The following ANKRD52 variants were observed in gnomAD, a reference collection of about 807,000 sequenced individuals.
ANKRD52 encodes serine/threonine-protein phosphatase 6 regulatory ankyrin repeat subunit C.
A neutral mutation model predicts 116.0 loss-of-function variants in ANKRD52; 7 were observed. The observed-to-expected ratio is 0.06, with a 90% CI of 0.03 to 0.11. The LOEUF (loss-of-function observed/expected upper bound fraction) is 0.11. Ranked by LOEUF, ANKRD52 falls within the 10% of genes least tolerant of loss-of-function variation. ANKRD52 has a pLI of 1.00. For missense variants in ANKRD52, 839 were observed against 1,408.6 expected (o/e 0.60, Z 6.47); for synonymous variants, 528 against 578.1 (o/e 0.91, Z 1.24).
chr12:56,249,186 G>A (rs1871566871), intron 15 of ANKRD52, among the ~76,000 whole-genome samples: 1 of 152,062 alleles, frequency 6.6e-6, no homozygotes, highest in South Asian at 2.1e-4. Flanking sequence ...CCACCTCCAG[G>A]CACGCCAACC....
chr12:56,246,451 C>T (rs529838186), intron 20 of ANKRD52, among the ~76,000 whole-genome samples: 1 of 152,238 alleles, frequency 6.6e-6, no homozygotes, highest in South Asian at 2.1e-4. Context: ...ACTGGAAAGA[C>T]TAAATGGAGA....
At chr12:56,256,751 G>A (rs984198901) in intron 4 of ANKRD52, among the ~76,000 whole-genome samples, 3 of 152,256 alleles carry the variant, frequency 2.0e-5, no homozygotes, top group Non-Finnish European at 4.4e-5. Context: ...CCCCCAGGGA[G>A]GGATGAGTCA....
rs374637005 is a variant in ANKRD52 at position 56,245,074 on chromosome 12, G to A, written c.2492+29C>T. 12 of 1,613,126 alleles carry A rather than the reference G, an allele frequency of 7.4e-6. No homozygotes were observed. The South Asian group carries it at 8.8e-5, about 12-fold the overall frequency. ...AAGCTCAAGTCATGGGCCCTCGCGA[G>A]AAGGGCTGATGCAGCAGAAGGGACT... On this transcript the variant is annotated intron_variant, in intron 22 of 27. Coordinates refer to ENST00000267116, the MANE Select transcript of ANKRD52 (RefSeq NM_173595.4).
Position 56,255,725 on chromosome 12 carries a change from G to A in ANKRD52, c.462+59C>T, listed in dbSNP as rs574585364. 2.7e-6 allele frequency: 4 copies of A among 1,485,098 alleles called. No homozygotes were observed. The East Asian group carries it at 1.0e-4, about 37-fold the overall frequency. 92.0% of individuals were successfully genotyped at this position (1,485,098 alleles called of 1,614,324 possible). A position where few individuals can be genotyped will look rare whatever the true frequency, so the allele number is the denominator to read the frequency against. On this transcript the variant is annotated intron_variant, in intron 5 of 27. Coordinates refer to ENST00000267116, the MANE Select transcript of ANKRD52 (RefSeq NM_173595.4). The surrounding 1 kb of genome is among the most constrained non-coding windows in gnomAD (Gnocchi z 4.3). ...TGAGGGCCCAGAAGCAGGGAAACGT[G>A]AGTAGGAAGGTAAGAAAAGGGAAAG... is the stretch of plus-strand genomic sequence containing the variant.
In ANKRD52 at chr12:56,252,291, A is replaced by G; in HGVS notation, c.1395T>C (p.Ala465=). ...FGRTPLHYAA[A]NGSYQCAVTL... is the part of the protein sequence containing the mutation. ...TTACTGCACACTGGTAGCTACCGTT[A>G]GCAGCTGCATAGTGCAGTGGGGTCC... The change falls in exon 14 of 28, where the codon GCT becomes GCC. Residue 465 remains alanine, a synonymous_variant. Transcript: ENST00000267116. The surrounding 1 kb of genome is among the most constrained non-coding windows in gnomAD (Gnocchi z 4.7). 3 of 1,614,008 alleles carry G rather than the reference A, an allele frequency of 1.9e-6. No individual in the cohort carries two copies. Among genetic ancestry groups the G allele is most frequent in the Non-Finnish European group, 2.5e-6 (3 of 1,179,878 alleles).
rs201426928 is a variant in ANKRD52, at chr12:56,255,193, C to CT, written c.463-242dup. 7,616 of 253,570 alleles carry CT rather than the reference C, an allele frequency of 0.03. 10 individuals are homozygous for CT. Among genetic ancestry groups the CT allele is most frequent in the East Asian group, 0.048 (699 of 14,570 alleles). 15.7% of individuals were successfully genotyped at this position (253,570 alleles called of 1,614,324 possible). On this transcript the variant is annotated intron_variant, in intron 5 of 27. Transcript: ENST00000267116. The surrounding 1 kb of genome is among the most constrained non-coding windows in gnomAD (Gnocchi z 4.3). Reference sequence around the variant, plus strand: ...CAGGTGATCTGGTGGTTCTTAAACTCTTTTTTTTTTTTTTTTTGAGACAGT... The same window carrying CT: ...CAGGTGATCTGGTGGTTCTTAAACTCTTTTTTTTTTTTTTTTTTGAGACAGT...
rs1188473689 is a variant in ANKRD52 at position 56,248,474 on chromosome 12, G to T, written c.1776+21C>A. The T allele has an allele frequency of 6.3e-6, 10 of 1,582,264 alleles. No individual in the cohort carries two copies. The highest frequency in any genetic ancestry group is 8.6e-6 in the Non-Finnish European group (10 of 1,164,102). On this transcript the variant is annotated intron_variant, in intron 17 of 27. Transcript: ENST00000267116. This position sits in a 1 kb window ranked among gnomAD's most constrained non-coding sequence, Gnocchi z 5.1. ...AACAGGTAGGACAAGGAAGGCAACA[G>T]AAAAAAGACGTGGGACTCACAGCTA... is the stretch of plus-strand genomic sequence containing the variant.
intron 15 of ANKRD52, among the ~76,000 whole-genome samples, chr12:56,249,269 C>T (rs1871571095): frequency 6.6e-6 from 1 of 152,212 alleles, no homozygotes; most frequent in Admixed American, 6.5e-5. Context: ...GTCCCAGCTT[C>T]TCTCCTCTGT....
chr12:56,243,407 G>T lies in ANKRD52; in HGVS notation c.2981-15C>A. On this transcript the variant is annotated splice_polypyrimidine_tract_variant and intron_variant, in intron 27 of 27. Coordinates refer to ENST00000267116, the MANE Select transcript of ANKRD52 (RefSeq NM_173595.4). The surrounding 1 kb of genome is among the most constrained non-coding windows in gnomAD (Gnocchi z 4.6). ...TGGGGTGTGACCTGCAGGGCCAAGGGGGAGAACTGAGGCATAGAGTCCTGT... is the reference window on the plus strand; with the variant it reads ...TGGGGTGTGACCTGCAGGGCCAAGGTGGAGAACTGAGGCATAGAGTCCTGT... The T allele has an allele frequency of 6.2e-7, 1 of 1,612,586 alleles. No homozygotes were observed. Among genetic ancestry groups the T allele is most frequent in the Non-Finnish European group, 8.5e-7 (1 of 1,179,274 alleles).
rs1395153870 is a variant in ANKRD52 at position 56,247,498 on chromosome 12, G to A, written c.2179C>T (p.Arg727Cys). The A allele has an allele frequency of 6.3e-6, 10 of 1,576,776 alleles. No homozygotes were observed. Among genetic ancestry groups the A allele is most frequent in the Non-Finnish European group, 8.6e-6 (10 of 1,160,480 alleles). Reference sequence around the variant, plus strand: ...CCCCCTAGAAGCTCACTCACCCCGCGGTGGAGGGCAGTGCGGCCCCGGAGG... The same window carrying A: ...CCCCCTAGAAGCTCACTCACCCCGCAGTGGAGGGCAGTGCGGCCCCGGAGG... The part of the protein sequence containing the change: ...ADLRGRTALH[R>C]GAVTGCEDCL... Residue 727 changes from arginine (R) to cysteine (C), a missense_variant, in exon 20 of 28, where the codon CGC becomes TGC. Coordinates refer to ENST00000267116, the MANE Select transcript of ANKRD52 (RefSeq NM_173595.4).
chr12:56,256,092 A>C, intron 4 of ANKRD52, 108 bp from the exon 5 acceptor site: 1 of 1,123,466 alleles, frequency 8.9e-7, no homozygotes, highest in Admixed American at 2.4e-5. Flanking sequence ...TCCCCAGCAC[A>C]GAATCTCTTC....
At position 56,258,287 on chromosome 12, in the gene ANKRD52, G is replaced by C. The variant is rs767646288; in HGVS notation, c.-18C>G. 1 of 1,560,790 alleles carries C rather than the reference G, an allele frequency of 6.4e-7. No individual in the cohort carries two copies. The highest frequency in any genetic ancestry group is 1.2e-5 in the South Asian group (1 of 84,574). The stretch of plus-strand genomic sequence containing the variant: ...ATCCCCATGGCTCGGCCCGGGCTCC[G>C]TCCGCATCGAGCTCCCGGCGGCGGC... On this transcript the variant is annotated 5_prime_UTR_variant, in exon 1 of 28. Transcript: ENST00000267116.
Position 56,248,963 on chromosome 12 carries a change from C to G in ANKRD52, c.1593-93G>C. On this transcript the variant is annotated intron_variant, in intron 15 of 27. Transcript: ENST00000267116. This position sits in a 1 kb window ranked among gnomAD's most constrained non-coding sequence, Gnocchi z 5.1. ...GCCAGAGGAGAGGACCAAGGCCCTC[C>G]AGGCCTACCTGGCCGCCACCCGTCC... 2 of 872,948 alleles carry G rather than the reference C, an allele frequency of 2.3e-6. No homozygotes were observed. Among genetic ancestry groups the G allele is most frequent in the Non-Finnish European group, 3.5e-6 (2 of 577,732 alleles). 54.1% of individuals were successfully genotyped at this position (872,948 alleles called of 1,614,324 possible). A position where few individuals can be genotyped will look rare whatever the true frequency, so the allele number is the denominator to read the frequency against.
chr12:56,245,219 G>A, intron 21 of ANKRD52, 29 bp from the exon 22 acceptor site: 4 of 1,612,138 alleles, frequency 2.5e-6, no homozygotes, highest in Non-Finnish European at 3.4e-6. Context: ...GAGTAGTGAT[G>A]GAGAAAAACG....
rs770259207 is a variant in ANKRD52 at position 56,248,131 on chromosome 12, G to A, written c.1870C>T (p.Leu624=). Residue 624 remains leucine (L), a synonymous_variant, in exon 18 of 28, where the codon CTG becomes TTG. Coordinates refer to ENST00000267116, the MANE Select transcript of ANKRD52 (RefSeq NM_173595.4). This position sits in a 1 kb window ranked among gnomAD's most constrained non-coding sequence, Gnocchi z 5.1. ...TCAGTAGAGCCGCGCTCCGTGGCCA[G>A]GAAGAGTGCGGTCCGGCCCTTGTGG... is the stretch of plus-strand genomic sequence containing the variant. The part of the protein sequence containing the change: ...RDHKGRTALF[L]ATERGSTECV... 1 of 1,613,906 alleles carries A rather than the reference G, an allele frequency of 6.2e-7. No homozygotes were observed. The highest frequency in any genetic ancestry group is 1.1e-5 in the South Asian group (1 of 91,090).
In ANKRD52 at chr12:56,255,764, T is replaced by A; in HGVS notation, c.462+20A>T. 1 of 1,541,154 alleles carries A rather than the reference T, an allele frequency of 6.5e-7. No homozygotes were observed. The highest frequency in any genetic ancestry group is 8.8e-7 in the Non-Finnish European group (1 of 1,134,628). Reference sequence around the variant, plus strand: ...GAAAAGGGAAAGCCCCAGCTGGGCCTGGATGGGAACAGTCCTCACCTCAAG... The same window carrying A: ...GAAAAGGGAAAGCCCCAGCTGGGCCAGGATGGGAACAGTCCTCACCTCAAG... On this transcript the variant is annotated intron_variant, in intron 5 of 27. Coordinates refer to ENST00000267116, the MANE Select transcript of ANKRD52 (RefSeq NM_173595.4). This position sits in a 1 kb window ranked among gnomAD's most constrained non-coding sequence, Gnocchi z 4.3.
At position 56,257,322 on chromosome 12, in the gene ANKRD52, C is replaced by A; in HGVS notation, c.151G>T (p.Val51Leu). Residue 51 changes from valine to leucine, a missense_variant, in exon 3 of 28, where the codon GTA (valine) becomes TTA (leucine). Val to Leu is a conservative substitution (Grantham distance 32). Coordinates refer to ENST00000267116, the MANE Select transcript of ANKRD52 (RefSeq NM_173595.4). ...RRTPLHAAAY[V>L]GDVPILQLLL... The stretch of plus-strand genomic sequence containing the variant: ...AACTGGAGGATGGGGACATCGCCTA[C>A]GTAGGCAGCAGCATGCAATGGAGTT... 6.3e-7 allele frequency: 1 copy of A among 1,597,722 alleles called. No individual in the cohort carries two copies. The highest frequency in any genetic ancestry group is 8.5e-7 in the Non-Finnish European group (1 of 1,172,258).
chr12:56,245,301 C>G (rs1871343134), intron 21 of ANKRD52, 76 bp downstream of exon 21: 6 of 1,602,382 alleles, frequency 3.7e-6, no homozygotes, highest in East Asian at 4.5e-5. Context: ...CCAGGTCCCC[C>G]CCAACAACCC....
In ANKRD52 at chr12:56,242,272, G is replaced by A. The variant is rs1871199252; in HGVS notation, c.*870C>T. The A allele has an allele frequency of 7.5e-6, 3 of 398,184 alleles. No individual in the cohort carries two copies. Among genetic ancestry groups the A allele is most frequent in the Non-Finnish European group, 1.3e-5 (3 of 225,988 alleles). The allele number at this position is 398,184 out of a possible 1,614,324, so 24.7% of individuals were successfully genotyped here. A position where few individuals can be genotyped will look rare whatever the true frequency, so the allele number is the denominator to read the frequency against. On this transcript the variant is annotated 3_prime_UTR_variant, in exon 28 of 28. Transcript: ENST00000267116. This position sits in a 1 kb window ranked among gnomAD's most constrained non-coding sequence, Gnocchi z 4.3. ...TGTTTCTTCCCCTAAAGGATAAAAC[G>A]CTTACTTAAAAATTCATGACAAGCC... is the stretch of plus-strand genomic sequence containing the variant.
Sources: gnomAD v4.1 joint callset for allele counts (sites outside exome capture counted in the v4.1 genomes callset) on GRCh38, gnomAD v4.1.1 for gene constraint, Gnocchi (gnomAD v3.1) non-coding constraint, MANE v1.5 for transcripts, NCBI Gene and HGNC (gene_info 2026-07-23, HGNC 2026-07-21) for gene names.